The following PDE11A variants were observed in gnomAD, a reference collection of about 807,000 sequenced individuals.
The protein encoded by PDE11A is dual 3',5'-cyclic-AMP and -GMP phosphodiesterase 11A.
In PDE11A, 100 loss-of-function variants were observed where a neutral mutation model predicts 100.5. The observed-to-expected ratio is 1.00, with a 90% CI of 0.85 to 1.18. The LOEUF (loss-of-function observed/expected upper bound fraction) is 1.18, where lower values mean the gene tolerates loss of function less well. Ranked by LOEUF, PDE11A falls within the 50% of genes most tolerant of loss-of-function variation. The pLI is 0.00. For synonymous variants in PDE11A, 381 were observed against 420.8 expected (o/e 0.91, Z 1.16); for missense variants, 1,141 against 1,152.6 (o/e 0.99, Z 0.15).
intron 10 of PDE11A, among the ~76,000 whole-genome samples, chr2:177,754,084 A>G (rs1023882412): frequency 3.3e-5 from 5 of 151,944 alleles, no homozygotes; most frequent in African/African-American, 7.2e-5. Context: ...TTTGAAAACA[A>G]GTTCCTTAAA....
intron 9 of PDE11A, among the ~76,000 whole-genome samples, chr2:177,807,811 A>C (rs943850627): frequency 6.6e-6 from 1 of 151,764 alleles, no homozygotes; most frequent in Non-Finnish European, 1.5e-5. Flanking sequence ...CTATCTGACT[A>C]ATCTTTATCC....
chr2:177,692,412 AT>A (rs1198378605), intron 15 of PDE11A, among the ~76,000 whole-genome samples: 1 of 152,170 alleles, frequency 6.6e-6, no homozygotes, highest in Non-Finnish European at 1.5e-5. Flanking sequence ...GGTACTTTAC[AT>A]TGTCAAAGCT....
intron 10 of PDE11A, among the ~76,000 whole-genome samples, chr2:177,736,324 C>G (rs1002732361): frequency 6.6e-6 from 1 of 151,764 alleles, no homozygotes; most frequent in Admixed American, 6.6e-5. Context: ...CCAGCCTGGA[C>G]AACATGGTGA....
At chr2:177,707,261 G>A (rs997492024) in intron 13 of PDE11A, among the ~76,000 whole-genome samples, 1 of 152,134 alleles carries the variant, frequency 6.6e-6, no homozygotes, top group Non-Finnish European at 1.5e-5. Context: ...TGTTGGTAAG[G>A]GCTTAAGACA....
chr2:177,774,678 C>T (rs2082355158), intron 9 of PDE11A, among the ~76,000 whole-genome samples: 1 of 152,210 alleles, frequency 6.6e-6, no homozygotes, highest in Admixed American at 6.5e-5. Flanking sequence ...TTTCAAATCT[C>T]TTTGAGTTTT....
At chr2:177,805,081 T>A (rs984279204) in intron 9 of PDE11A, among the ~76,000 whole-genome samples, 3 of 126,840 alleles carry the variant, frequency 2.4e-5, no homozygotes, top group African/African-American at 3.6e-5. Flanking sequence ...ATATATTTTT[T>A]AATTAAAAAA....
At chr2:177,680,097 G>A (rs975324944) in intron 16 of PDE11A, among the ~76,000 whole-genome samples, 4 of 152,044 alleles carry the variant, frequency 2.6e-5, no homozygotes, top group Non-Finnish European at 2.9e-5. Context: ...CAAGGTTTCC[G>A]CTTGGGGTAA....
At chr2:177,771,006 T>C (rs1185722896) in intron 9 of PDE11A, among the ~76,000 whole-genome samples, 1 of 152,188 alleles carries the variant, frequency 6.6e-6, no homozygotes, top group African/African-American at 2.4e-5. Context: ...TTTGTATTGT[T>C]TTGTAGAGAC....
At chr2:177,689,398 T>A (rs1360625423) in intron 15 of PDE11A, among the ~76,000 whole-genome samples, 1 of 152,266 alleles carries the variant, frequency 6.6e-6, no homozygotes, top group East Asian at 1.9e-4. Context: ...TCTCCTCAAT[T>A]TTAACTCCAG....
intron 11 of PDE11A, 33 bp from the exon 12 acceptor site, chr2:177,727,798 T>C (rs746240498): frequency 1.0e-5 from 13 of 1,292,100 alleles, no homozygotes; most frequent in Non-Finnish European, 1.5e-5. Context: ...CGTCAGGCAG[T>C]TGTAAGTGAT....
At chr2:177,949,520 A>G (rs34035940) in intron 2 of PDE11A, among the ~76,000 whole-genome samples, 9,543 of 152,236 alleles carry the variant, frequency 0.063, 314 homozygotes, top group South Asian at 0.094. Context: ...GCCAGGGGGA[A>G]TTCAGAGCTT....
At chr2:177,651,313 A>G (rs148183535) in intron 19 of PDE11A, among the ~76,000 whole-genome samples, 1 of 152,344 alleles carries the variant, frequency 6.6e-6, no homozygotes, top group Non-Finnish European at 1.5e-5. Flanking sequence ...GGCTTTAACT[A>G]TAATAGGTGT....
intron 1 of PDE11A, among the ~76,000 whole-genome samples, chr2:178,068,693 T>C (rs544692307): frequency 6.6e-6 from 1 of 152,142 alleles, no homozygotes; most frequent in South Asian, 2.1e-4. Context: ...CAAAAGAACA[T>C]GTATTTGGAA....
intron 7 of PDE11A, 115 bp from the exon 8 acceptor site, chr2:177,818,040 C>T: frequency 1.4e-6 from 1 of 691,864 alleles, no homozygotes; most frequent in Non-Finnish European, 2.7e-6. Flanking sequence ...TCAGTTTAAA[C>T]TCTGGTCTCT....
intron 1 of PDE11A, among the ~76,000 whole-genome samples, chr2:178,069,841 G>A (rs77336026): frequency 2.6e-5 from 4 of 152,178 alleles, no homozygotes; most frequent in East Asian, 1.9e-4. Context: ...GAAAGAGGAC[G>A]GTAAGAAATA....
At chr2:177,936,180 GA>G (rs1000550289) in intron 2 of PDE11A, among the ~76,000 whole-genome samples, 2 of 152,180 alleles carry the variant, frequency 1.3e-5, no homozygotes, top group African/African-American at 2.4e-5. Flanking sequence ...ATTGAAGTGT[GA>G]AAAACTGAGT....
intron 1 of PDE11A, among the ~76,000 whole-genome samples, chr2:178,061,192 G>A (rs1388688899): frequency 4.6e-5 from 7 of 152,080 alleles, no homozygotes; most frequent in East Asian, 1.9e-4. Flanking sequence ...GGCAGTATAC[G>A]GTTCTTGCCA....
intron 7 of PDE11A, among the ~76,000 whole-genome samples, chr2:177,819,503 A>G (rs1038164482): frequency 2.6e-5 from 4 of 152,054 alleles, no homozygotes; most frequent in Non-Finnish European, 5.9e-5. Context: ...TCAACCATGA[A>G]TTCTCCTTGC....
intron 7 of PDE11A, among the ~76,000 whole-genome samples, chr2:177,819,118 T>C (rs1241132607): frequency 1.3e-5 from 2 of 152,066 alleles, no homozygotes; most frequent in East Asian, 3.8e-4. Flanking sequence ...CTTATGGACT[T>C]TCCCTTTAAA....
Sources: gnomAD v4.1 joint callset for allele counts (sites outside exome capture counted in the v4.1 genomes callset) on GRCh38, gnomAD v4.1.1 for gene constraint, MANE v1.5 for transcripts, NCBI Gene and HGNC (gene_info 2026-07-23, HGNC 2026-07-21) for gene names.